FHIP1A: variants seen among roughly 807,000 people sequenced by gnomAD.
FHIP1A encodes the protein FHF complex subunit HOOK interacting protein 1A.
A neutral mutation model predicts 88.6 loss-of-function variants in FHIP1A; 61 were observed. The ratio of observed to expected loss-of-function variants is 0.69; its 90% confidence interval spans 0.56 to 0.85. FHIP1A has a LOEUF of 0.85. Among genes scored for constraint, FHIP1A ranks in the 40% least tolerant of loss-of-function variants. FHIP1A has a pLI of 0.00. For missense variants in FHIP1A, 1,154 were observed against 1,273.5 expected, an observed-to-expected ratio of 0.91 and a Z score of 1.43; for synonymous variants, 478 against 496.0, an observed-to-expected ratio of 0.96 and a Z score of 0.48.
intron 3 of FHIP1A, among the ~76,000 whole-genome samples, chr4:151,517,832 T>C (rs1731301762): frequency 6.6e-6 from 1 of 152,096 alleles, no homozygotes; most frequent in African/African-American, 2.4e-5. Flanking sequence ...CAAAAAAGCT[T>C]ATAGAATAAG....
intron 3 of FHIP1A, among the ~76,000 whole-genome samples, chr4:151,483,134 A>T (rs1451518004): frequency 6.6e-6 from 1 of 152,142 alleles, no homozygotes; most frequent in Non-Finnish European, 1.5e-5. Flanking sequence ...CAGGCTTCAT[A>T]ATTTACAGAG....
intron 1 of FHIP1A, among the ~76,000 whole-genome samples, chr4:151,412,973 C>T (rs746102428): frequency 1.8e-4 from 27 of 151,976 alleles, no homozygotes; most frequent in East Asian, 3.9e-4. Flanking sequence ...CGTGAGCCAC[C>T]GTGCCTGGCC....
At position 151,666,937 on chromosome 4, in the gene FHIP1A, C is replaced by T. The variant is rs936978482; in HGVS notation, c.*4183C>T. Among the ~76,000 whole-genome samples the T allele has an allele frequency of 6.6e-6, 1 of 152,172 alleles. No individual in the cohort carries two copies. The highest frequency in any genetic ancestry group is 2.4e-5 in the African/African-American group (1 of 41,436). On this transcript the variant is annotated 3_prime_UTR_variant, in exon 14 of 14. Transcript: ENST00000435205. The stretch of plus-strand genomic sequence containing the variant: ...AGCCCTTAATTTTAAATGGTCCCGG[C>T]GTGGTGTTCAGTATCTGCATATGCC...
rs1409516048 is a variant in FHIP1A, at chr4:151,640,942, T to C, written c.1226+2186T>C. 2.0e-5 allele frequency among the ~76,000 whole-genome samples: 3 copies of C among 152,104 alleles called. No individual in the cohort carries two copies. The East Asian group carries it at 5.8e-4, about 29-fold the overall frequency. On this transcript the variant is annotated intron_variant, in intron 9 of 13. Coordinates refer to ENST00000435205, the MANE Select transcript of FHIP1A (RefSeq NM_001109977.3). ...TAAAGATGAAGAGATCAGCTCATGG[T>C]TGAAATACATAAATGTTCAAGTCAG... is the stretch of plus-strand genomic sequence containing the variant.
At chr4:151,536,213 A>G (rs1309873939) in intron 3 of FHIP1A, among the ~76,000 whole-genome samples, 1 of 152,226 alleles carries the variant, frequency 6.6e-6, no homozygotes, top group South Asian at 2.1e-4. Flanking sequence ...AGTTTCCCCC[A>G]GTGGTAACAG....
At chr4:151,488,107 T>C (rs1032357321) in intron 3 of FHIP1A, among the ~76,000 whole-genome samples, 2 of 152,224 alleles carry the variant, frequency 1.3e-5, no homozygotes, top group African/African-American at 4.8e-5. Context: ...ATTTATGTTA[T>C]GACTGGTGTA....
At chr4:151,588,532 G>A (rs1202700760) in intron 6 of FHIP1A, among the ~76,000 whole-genome samples, 1 of 152,152 alleles carries the variant, frequency 6.6e-6, no homozygotes, top group Admixed American at 6.5e-5. Context: ...GATATGGTAT[G>A]TGTAAGTATG....
At chr4:151,423,238 G>A (rs1028807096) in intron 1 of FHIP1A, among the ~76,000 whole-genome samples, 4 of 152,134 alleles carry the variant, frequency 2.6e-5, no homozygotes, top group Non-Finnish European at 4.4e-5. Context: ...CAGGCTGCCA[G>A]TAGTAATTTT....
At position 151,445,964 on chromosome 4, in the gene FHIP1A, T is replaced by C. The variant is rs79506214; in HGVS notation, c.-355-8737T>C. On this transcript the variant is annotated intron_variant, in intron 1 of 13. Transcript: ENST00000435205. ...GTAATCATATAATCATGAGAAAGAT[T>C]GCTATGAAGGTAGCGCTGTTGCACA... is the stretch of plus-strand genomic sequence containing the variant. Among the ~76,000 whole-genome samples, 63 of 151,500 alleles carry C rather than the reference T, an allele frequency of 4.2e-4. 1 individual carries two copies. Among genetic ancestry groups the C allele is most frequent in the African/African-American group, 1.5e-3 (63 of 41,362 alleles).
chr4:151,593,512 T>G (rs967655525), intron 7 of FHIP1A, among the ~76,000 whole-genome samples: 31 of 152,246 alleles, frequency 2.0e-4, no homozygotes, highest in South Asian at 1.0e-3. Flanking sequence ...GATATTTTAT[T>G]TTTTTTGTAG....
At chr4:151,638,593 G>A in intron 8 of FHIP1A, 84 bp from the exon 9 acceptor site, 2 of 718,392 alleles carry the variant, frequency 2.8e-6, no homozygotes, top group Non-Finnish European at 2.2e-6. Flanking sequence ...ATTATATTTT[G>A]TAATTCTGAT....
chr4:151,486,072 C>T (rs1307425275), intron 3 of FHIP1A, among the ~76,000 whole-genome samples: 2 of 152,150 alleles, frequency 1.3e-5, no homozygotes, highest in South Asian at 2.1e-4. Context: ...ACCTAGATCC[C>T]TCACATGTGC....
intron 3 of FHIP1A, among the ~76,000 whole-genome samples, chr4:151,503,213 A>AG (rs1196596402): frequency 6.6e-6 from 1 of 152,182 alleles, no homozygotes; most frequent in Non-Finnish European, 1.5e-5. Context: ...AGCACAAAGC[A>AG]GGGGCTTTTA....
Position 151,579,608 on chromosome 4 carries a change from G to A in FHIP1A, c.732+1532G>A, listed in dbSNP as rs1354534601. ...AATTTAGAAAATACCATTTACAAAA[G>A]CAACATAATCATAAGATATCTTAAA... On this transcript the variant is annotated intron_variant, in intron 5 of 13. Coordinates refer to ENST00000435205, the MANE Select transcript of FHIP1A (RefSeq NM_001109977.3). Among the ~76,000 whole-genome samples the A allele has an allele frequency of 3.3e-5, 5 of 152,120 alleles. No homozygotes were observed. The East Asian group carries it at 9.7e-4, about 29-fold the overall frequency.
At chr4:151,446,656 G>C (rs148695687) in intron 1 of FHIP1A, among the ~76,000 whole-genome samples, 2 of 147,814 alleles carry the variant, frequency 1.4e-5, no homozygotes, top group Admixed American at 6.8e-5. Context: ...AAAAAGTTTA[G>C]AGTCTTTTTT....
chr4:151,601,900 G>A (rs1234274117), intron 7 of FHIP1A, among the ~76,000 whole-genome samples: 2 of 151,914 alleles, frequency 1.3e-5, no homozygotes, highest in Non-Finnish European at 2.9e-5. Flanking sequence ...TGGGTGGGGA[G>A]GCCTCACAAT....
rs1209808115 is a variant in FHIP1A at position 151,566,210 on chromosome 4, A to T, written c.-50A>T. On this transcript the variant is annotated 5_prime_UTR_variant, in exon 4 of 14. Coordinates refer to ENST00000435205, the MANE Select transcript of FHIP1A (RefSeq NM_001109977.3). ...TTGAAAGTTAGTGACGGCTTACCAA[A>T]TTTTAATGAAAATTAAATATGACTT... The T allele has an allele frequency of 8.0e-7, 1 of 1,251,686 alleles. No homozygotes were observed. The highest frequency in any genetic ancestry group is 2.7e-5 in the Admixed American group (1 of 36,704). 77.5% of individuals were successfully genotyped at this position (1,251,686 alleles called of 1,614,324 possible). A position where few individuals can be genotyped will look rare whatever the true frequency, so the allele number is the denominator to read the frequency against.
intron 7 of FHIP1A, among the ~76,000 whole-genome samples, chr4:151,619,169 G>C (rs1257464716): frequency 2.0e-5 from 3 of 152,172 alleles, no homozygotes; most frequent in African/African-American, 7.2e-5. Context: ...GACTTCTCAA[G>C]ACATCCATGA....
intron 8 of FHIP1A, among the ~76,000 whole-genome samples, chr4:151,637,491 C>G (rs1232789373): frequency 1.3e-5 from 2 of 152,064 alleles, no homozygotes; most frequent in African/African-American, 4.8e-5. Context: ...TGCTGCTCAC[C>G]CTTAACAGTG....
Sources: allele counts gnomAD v4.1 joint callset (sites outside exome capture counted in the v4.1 genomes callset), GRCh38; gene constraint gnomAD v4.1.1; transcripts MANE v1.5; gene names NCBI Gene and HGNC (gene_info 2026-07-23, HGNC 2026-07-21).